Variants in SERPINE2 observed in about 807,000 individuals in gnomAD.
SERPINE2 encodes the protein serpin family E member 2, also known as glia-derived nexin.
A neutral mutation model predicts 36.3 loss-of-function variants in SERPINE2; 14 were observed. That is an observed-to-expected ratio of 0.39 (90% confidence interval 0.25 to 0.60). The LOEUF (loss-of-function observed/expected upper bound fraction) is 0.60. SERPINE2 is among the 20% of genes least tolerant of loss of function. The pLI is 0.57. For synonymous variants in SERPINE2, 192 were observed against 191.8 expected (o/e 1.00, Z -0.01); for missense variants, 418 against 499.6 (o/e 0.84, Z 1.56).
chr2:224,032,299 TCACATACC>T (rs1692406161), intron 1 of SERPINE2, among the ~76,000 whole-genome samples: 1 of 152,214 alleles, frequency 6.6e-6, no homozygotes, highest in African/African-American at 2.4e-5. Flanking sequence ...TTAAACTCTT[TCACATACC>T]CACATCCACC....
At chr2:223,996,295 C>T (rs1360749303) in intron 3 of SERPINE2, among the ~76,000 whole-genome samples, 1 of 152,172 alleles carries the variant, frequency 6.6e-6, no homozygotes, top group South Asian at 2.1e-4. Context: ...GTCCTGAGGG[C>T]GTCTGCTTCT....
At chr2:223,996,055 T>G (rs757877322) in intron 3 of SERPINE2, among the ~76,000 whole-genome samples, 1 of 152,304 alleles carries the variant, frequency 6.6e-6, no homozygotes, top group Non-Finnish European at 1.5e-5. Flanking sequence ...TTAAAAATAT[T>G]TGTTACAAAC....
At chr2:224,017,658 G>C (rs1195602649) in intron 1 of SERPINE2, among the ~76,000 whole-genome samples, 2 of 152,200 alleles carry the variant, frequency 1.3e-5, no homozygotes, top group African/African-American at 2.4e-5. Context: ...CTTTTGACAA[G>C]TGCTAGCCTT....
chr2:224,022,216 C>A (rs1574846247), intron 1 of SERPINE2, among the ~76,000 whole-genome samples: 1 of 147,050 alleles, frequency 6.8e-6, no homozygotes, highest in South Asian at 2.2e-4. Context: ...TCTGTAGTAC[C>A]AGCTACTCAT....
chr2:224,022,851 T>C (rs1418074131), intron 1 of SERPINE2, among the ~76,000 whole-genome samples: 2 of 152,220 alleles, frequency 1.3e-5, no homozygotes. Context: ...GATTGGATCA[T>C]GGGGGCAGTT....
intron 8 of SERPINE2, 139 bp from the exon 9 acceptor site, chr2:223,976,043 G>T: frequency 1.6e-6 from 1 of 631,080 alleles, no homozygotes. Flanking sequence ...ACTTTCTGCA[G>T]TGGTAGAGAT....
intron 2 of SERPINE2, among the ~76,000 whole-genome samples, chr2:224,000,631 C>T (rs1002782955): frequency 6.6e-6 from 1 of 152,070 alleles, no homozygotes; most frequent in Admixed American, 6.6e-5. Context: ...AACCTGTCAT[C>T]TAGGTTTTAA....
rs894483382 is a variant in SERPINE2, at chr2:223,975,445, A to AT, written c.*421dup. 13 of 155,050 alleles carry AT rather than the reference A, an allele frequency of 8.4e-5. No homozygotes were observed. The highest frequency in any genetic ancestry group is 1.4e-4 in the Non-Finnish European group (10 of 70,050). 9.6% of individuals were successfully genotyped at this position (155,050 alleles called of 1,614,324 possible). On this transcript the variant is annotated 3_prime_UTR_variant, in exon 9 of 9. Coordinates refer to ENST00000409304, the MANE Select transcript of SERPINE2 (RefSeq NM_001136528.2). ...GGGAAAAGAATTTAAAAGGCAAATA[A>AT]TTTTTTTTTCATAAAAAGTAAAAGC... is the stretch of plus-strand genomic sequence containing the variant.
chr2:223,991,732 A>T, intron 4 of SERPINE2, 71 bp downstream of exon 4: 1 of 1,464,510 alleles, frequency 6.8e-7, no homozygotes, highest in Non-Finnish European at 9.5e-7. Context: ...CTCTGGAATT[A>T]AGTTAAAGCA....
intron 5 of SERPINE2, among the ~76,000 whole-genome samples, chr2:223,983,790 G>T (rs1402542355): frequency 2.0e-5 from 3 of 149,936 alleles, no homozygotes; most frequent in Admixed American, 2.0e-4. Flanking sequence ...GTCATCAGAG[G>T]ATGCTTTATC....
intron 1 of SERPINE2, among the ~76,000 whole-genome samples, chr2:224,009,804 A>G (rs778145024): frequency 6.6e-6 from 1 of 152,210 alleles, no homozygotes; most frequent in Non-Finnish European, 1.5e-5. Flanking sequence ...CAGACCAAAC[A>G]TTTCTCATCA....
chr2:224,030,740 T>A (rs1027656272), intron 1 of SERPINE2: 1 of 155,008 alleles, frequency 6.5e-6, no homozygotes, highest in Non-Finnish European at 1.4e-5. Flanking sequence ...AAAAAGAAGT[T>A]AAATCGCAAA....
chr2:224,030,973 T>C (rs1692343433), intron 1 of SERPINE2: 1 of 985,434 alleles, frequency 1.0e-6, no homozygotes, highest in South Asian at 4.7e-5. Flanking sequence ...GATTCAAACG[T>C]ACCACACAGA....
chr2:224,005,074 T>TATA (rs1559209176), intron 1 of SERPINE2, among the ~76,000 whole-genome samples: 90 of 66,466 alleles, frequency 1.4e-3, no homozygotes, highest in Non-Finnish European at 3.2e-3. Flanking sequence ...ATTATATATA[T>TATA]ATATATATAT....
At position 224,001,741 on chromosome 2, in the gene SERPINE2, A is replaced by G; in HGVS notation, c.160T>C (p.Ser54Pro). 1 of 1,614,108 alleles carries G rather than the reference A, an allele frequency of 6.2e-7. No homozygotes were observed. Among genetic ancestry groups the G allele is most frequent in the South Asian group, 1.1e-5 (1 of 91,084 alleles). ...AGGACCGACGCAATCCCATGGGGAG[A>G]GATCACGATGTTGTCATGAGGCCTC... ...KSRPHDNIVI[S>P]PHGIASVLGM... is the part of the protein sequence containing the mutation. Residue 54 changes from serine (S) to proline (P), a missense_variant, in exon 2 of 9, where the codon TCT (serine) becomes CCT (proline). Physicochemically the swap from Ser to Pro is moderately conservative, Grantham distance 74. Coordinates refer to ENST00000409304, the MANE Select transcript of SERPINE2 (RefSeq NM_001136528.2).
At chr2:224,034,271 G>A (rs1669088157) in intron 1 of SERPINE2, among the ~76,000 whole-genome samples, 2 of 152,122 alleles carry the variant, frequency 1.3e-5, no homozygotes, top group African/African-American at 2.4e-5. Flanking sequence ...ACAGAGGGCT[G>A]GGGTGGTGAC....
At chr2:224,024,023 AT>A (rs1348771245) in intron 1 of SERPINE2, among the ~76,000 whole-genome samples, 1 of 152,202 alleles carries the variant, frequency 6.6e-6, no homozygotes, top group Non-Finnish European at 1.5e-5. Flanking sequence ...TGGTTCCCAC[AT>A]TTTGACTTCT....
At chr2:224,036,228 C>A (rs1270463860) in intron 1 of SERPINE2, among the ~76,000 whole-genome samples, 1 of 151,542 alleles carries the variant, frequency 6.6e-6, no homozygotes, top group African/African-American at 2.4e-5. Flanking sequence ...CATGGTTCAC[C>A]CAAATACACA....
intron 1 of SERPINE2, among the ~76,000 whole-genome samples, chr2:224,032,316 C>T (rs1401690699): frequency 2.0e-5 from 3 of 151,908 alleles, no homozygotes; most frequent in African/African-American, 7.3e-5. Context: ...CCCACATCCA[C>T]CTTCAAGATT....
Sources: gnomAD v4.1 joint callset for allele counts (sites outside exome capture counted in the v4.1 genomes callset) on GRCh38, gnomAD v4.1.1 for gene constraint, MANE v1.5 for transcripts, NCBI Gene and HGNC (gene_info 2026-07-23, HGNC 2026-07-21) for gene names.